The following ZNF782 variants were observed in gnomAD, a reference collection of about 807,000 sequenced individuals.
ZNF782 encodes the protein zinc finger protein 782.
A neutral mutation model predicts 13.0 loss-of-function variants in ZNF782; 12 were observed. That is an observed-to-expected ratio of 0.92 (90% confidence interval 0.59 to 1.50). The LOEUF (loss-of-function observed/expected upper bound fraction) is 1.50, where lower values mean the gene tolerates loss of function less well. Ranked by LOEUF, ZNF782 falls within the 40% of genes most tolerant of loss-of-function variation. The probability of loss-of-function intolerance (pLI) is 0.00; values close to 1 mark genes in which losing one functional copy is unlikely to be tolerated. For synonymous variants in ZNF782, 284 were observed against 283.0 expected (o/e 1.00, Z -0.04); for missense variants, 770 against 822.9 (o/e 0.94, Z 0.79).
rs775387296 is a variant in ZNF782 at position 96,869,314 on chromosome 9, T to G, written c.-457+6154A>C. ...CAAGTTTAATTCATCCTTAATGGTT[T>G]TCCTTTTGAACTGCTACCCTTTCAA... On this transcript the variant is annotated intron_variant, in intron 1 of 5. Coordinates refer to the ZNF782 transcript ENST00000498811. Among the ~76,000 whole-genome samples, 23 of 152,322 alleles carry G rather than the reference T, an allele frequency of 1.5e-4. 1 individual carries two copies. The highest frequency in any genetic ancestry group is 6.8e-3 in the Middle Eastern group (2 of 294).
At chr9:96,842,426 TACAAGTACAGCCA>T (rs1478045182) in intron 4 of ZNF782, among the ~76,000 whole-genome samples, 4 of 151,994 alleles carry the variant, frequency 2.6e-5, no homozygotes, top group Non-Finnish European at 5.9e-5. Context: ...AATAGTCTCA[TACAAGTACAGCCA>T]ACTGATTTTT....
chr9:96,901,154 C>T, the ZNF782 span, among the ~76,000 whole-genome samples: 5 of 149,468 alleles, frequency 3.3e-5, no homozygotes, highest in African/African-American at 7.5e-5. Context: ...AGCAAGACTC[C>T]GTCTCGGGGT....
chr9:96,854,631 C>T (rs932758078), upstream of ZNF782: 4 of 152,252 alleles, frequency 2.6e-5, no homozygotes, highest in Middle Eastern at 6.3e-3. Flanking sequence ...GACGTGACTC[C>T]TCACGTTTCG....
chr9:96,892,839 G>C, the ZNF782 span: 2 of 150,652 alleles, frequency 1.3e-5, no homozygotes, highest in Admixed American at 6.6e-5. Flanking sequence ...GAATGTGCAT[G>C]TCTGTATTTT....
the ZNF782 span, among the ~76,000 whole-genome samples, chr9:96,925,800 C>G: frequency 1.3e-5 from 2 of 149,534 alleles, no homozygotes; most frequent in Non-Finnish European, 2.9e-5. Flanking sequence ...GGCCTAGGGC[C>G]TCAAGTGCAG....
At chr9:96,895,980 T>G in the ZNF782 span, 6 of 152,226 alleles carry the variant, frequency 3.9e-5, no homozygotes, top group Non-Finnish European at 7.3e-5. Context: ...CATCAAGGAC[T>G]TGAAGGATGC....
At chr9:96,921,838 C>T in the ZNF782 span, among the ~76,000 whole-genome samples, 3 of 151,142 alleles carry the variant, frequency 2.0e-5, no homozygotes, top group African/African-American at 4.9e-5. Flanking sequence ...GGATCACAGG[C>T]GCCCACAACC....
At chr9:96,836,561 AG>A (rs1176072608) in intron 4 of ZNF782, among the ~76,000 whole-genome samples, 1 of 152,158 alleles carries the variant, frequency 6.6e-6, no homozygotes, top group African/African-American at 2.4e-5. Flanking sequence ...AGGTGGTGCT[AG>A]AAAAACTTAA....
the ZNF782 span, among the ~76,000 whole-genome samples, chr9:96,885,150 GA>G: frequency 2.0e-5 from 3 of 150,474 alleles, no homozygotes; most frequent in African/African-American, 7.3e-5. Flanking sequence ...ACAGAAACAA[GA>G]AAAAAATAAC....
chr9:96,925,006 G>T, the ZNF782 span, among the ~76,000 whole-genome samples: 1 of 152,232 alleles, frequency 6.6e-6, no homozygotes, highest in Non-Finnish European at 1.5e-5. Flanking sequence ...ACCAGGAGGC[G>T]ATTACCTTCT....
intron 1 of ZNF782, among the ~76,000 whole-genome samples, chr9:96,866,447 C>T (rs1339825814): frequency 6.6e-6 from 1 of 152,156 alleles, no homozygotes; most frequent in East Asian, 1.9e-4. Flanking sequence ...TTGGGAACCT[C>T]CACCTAGATT....
chr9:96,921,294 G>C, the ZNF782 span, among the ~76,000 whole-genome samples: 1 of 148,418 alleles, frequency 6.7e-6, no homozygotes, highest in Non-Finnish European at 1.5e-5. Context: ...CAGCACTTTG[G>C]GAGGCTGAGG....
chr9:96,839,610 T>C (rs1291268596), intron 4 of ZNF782, among the ~76,000 whole-genome samples: 1 of 152,158 alleles, frequency 6.6e-6, no homozygotes. Context: ...ATCCAAATTG[T>C]ATAAAAAGGT....
At chr9:96,821,494 G>T (rs1027984239) in intron 5 of ZNF782, among the ~76,000 whole-genome samples, 7 of 152,062 alleles carry the variant, frequency 4.6e-5, no homozygotes, top group African/African-American at 1.4e-4. Flanking sequence ...AGTAGTTACT[G>T]TCTATAGTAT....
At chr9:96,895,906 C>G in the ZNF782 span, 1 of 152,238 alleles carries the variant, frequency 6.6e-6, no homozygotes, top group Non-Finnish European at 1.5e-5. Context: ...CTGCCTCTAT[C>G]TAGAAAAACA....
chr9:96,844,956 C>CTGTA lies in ZNF782; in HGVS notation c.75_76insTACA (p.Gly26TyrfsTer5). 6.2e-7 allele frequency: 1 copy of CTGTA among 1,613,892 alleles called. No individual in the cohort carries two copies. The highest frequency in any genetic ancestry group is 8.5e-7 in the Non-Finnish European group (1 of 1,179,918). On this transcript the variant is annotated frameshift_variant, in exon 4 of 6. Coordinates refer to ENST00000481138, the MANE Select transcript of ZNF782 (RefSeq NM_001001662.3). LOFTEE classifies it high-confidence loss of function. The stretch of plus-strand genomic sequence containing the variant: ...CTGTACAGGGTCCTCTCAACAGGGC[C>CTGTA]CATGTGCTGCCACTCCTCCTGGCTG...
In ZNF782 at chr9:96,865,718, C is replaced by T. The variant is rs1027294888; in HGVS notation, c.-456-4115G>A. 7.9e-5 allele frequency among the ~76,000 whole-genome samples: 12 copies of T among 152,120 alleles called. No homozygotes were observed. In the East Asian group the frequency reaches 1.7e-3, roughly 22 times the overall value. On this transcript the variant is annotated intron_variant, in intron 1 of 5. Coordinates refer to the ZNF782 transcript ENST00000498811. Reference sequence around the variant, plus strand: ...AGAAGAAGACAGGAAAATATGGGAACGTTTGGAACTCTCTAGAGACTTCTT... The same window carrying T: ...AGAAGAAGACAGGAAAATATGGGAATGTTTGGAACTCTCTAGAGACTTCTT...
At chr9:96,822,580 A>G (rs1850461981) in intron 5 of ZNF782, among the ~76,000 whole-genome samples, 1 of 152,148 alleles carries the variant, frequency 6.6e-6, no homozygotes. Context: ...TTATTCAGTT[A>G]TTTTTATTGC....
intron 4 of ZNF782, among the ~76,000 whole-genome samples, chr9:96,831,576 G>C (rs1850801339): frequency 6.6e-6 from 1 of 151,982 alleles, no homozygotes; most frequent in Non-Finnish European, 1.5e-5. Flanking sequence ...AGCTGGACAT[G>C]GTGGCAGGCG....
Sources: gnomAD v4.1 joint callset for allele counts (sites outside exome capture counted in the v4.1 genomes callset) on GRCh38, gnomAD v4.1.1 for gene constraint, MANE v1.5 for transcripts, NCBI Gene and HGNC (gene_info 2026-07-23, HGNC 2026-07-21) for gene names.